BNC2: variants seen among roughly 807,000 people sequenced by gnomAD.
BNC2 encodes the protein zinc finger protein basonuclin-2.
In BNC2, 20 loss-of-function variants were observed where a neutral mutation model predicts 76.3. The ratio of observed to expected loss-of-function variants is 0.26; its 90% CI spans 0.18 to 0.38. BNC2 has a LOEUF of 0.38. Among genes scored for constraint, BNC2 ranks in the 10% least tolerant of loss-of-function variants. The pLI is 1.00. For missense variants in BNC2, 1,382 were observed against 1,399.8 expected, an observed-to-expected ratio of 0.99 and a Z score of 0.20; for synonymous variants, 582 against 514.8, an observed-to-expected ratio of 1.13 and a Z score of -1.77.
At chr9:16,431,146 CAA>C (rs1449563058) in intron 6 of BNC2, among the ~76,000 whole-genome samples, 5 of 152,072 alleles carry the variant, frequency 3.3e-5, no homozygotes, top group African/African-American at 1.2e-4. Context: ...TTTCTGAGTA[CAA>C]AGTCTTCATT....
chr9:16,713,416 C>T (rs945818236), intron 3 of BNC2, among the ~76,000 whole-genome samples: 2 of 148,402 alleles, frequency 1.3e-5, no homozygotes, highest in Admixed American at 1.3e-4. Context: ...TCAAGGATAA[C>T]CTGTAGAAAA....
intron 3 of BNC2, among the ~76,000 whole-genome samples, chr9:16,588,808 T>C (rs1313485944): frequency 6.6e-6 from 1 of 152,236 alleles, no homozygotes; most frequent in East Asian, 1.9e-4. Flanking sequence ...TGCAAGTTTA[T>C]GTGAATTGAA....
rs757099445 is a variant in BNC2 at position 16,609,740 on chromosome 9, G to A, written c.331-26655C>T. Among the ~76,000 whole-genome samples the A allele has an allele frequency of 2.5e-4, 38 of 152,096 alleles. 1 individual carries two copies. The highest frequency in any genetic ancestry group is 3.8e-4 in the Non-Finnish European group (26 of 68,020). ...AATCTCAAGAAAGGTCTTCTCTGCT[G>A]GACTTCCAGAAAGATCACTGATCTT... On this transcript the variant is annotated intron_variant, in intron 3 of 6. Coordinates refer to ENST00000380672, the MANE Select transcript of BNC2 (RefSeq NM_017637.6).
chr9:16,430,419 T>C (rs948568181), intron 6 of BNC2, among the ~76,000 whole-genome samples: 2 of 152,232 alleles, frequency 1.3e-5, no homozygotes, highest in African/African-American at 4.8e-5. Context: ...GAATTGGTGC[T>C]AAGTGGCTCA....
At chr9:16,666,526 G>C (rs1332931571) in intron 3 of BNC2, among the ~76,000 whole-genome samples, 1 of 152,156 alleles carries the variant, frequency 6.6e-6, no homozygotes, top group Non-Finnish European at 1.5e-5. Flanking sequence ...TTCTCTAAAT[G>C]CTACAATGCA....
intron 5 of BNC2, among the ~76,000 whole-genome samples, chr9:16,460,938 T>C (rs1821566203): frequency 6.6e-6 from 1 of 151,938 alleles, no homozygotes; most frequent in Non-Finnish European, 1.5e-5. Flanking sequence ...TTAACTGAAA[T>C]CTTGATCCTA....
chr9:16,854,427 C>G (rs919255966), intron 1 of BNC2, among the ~76,000 whole-genome samples: 2 of 152,172 alleles, frequency 1.3e-5, no homozygotes, highest in Non-Finnish European at 1.5e-5. Context: ...CTCTTGATTT[C>G]TAGAGCAGTT....
At chr9:16,642,095 C>T (rs149787812) in intron 3 of BNC2, among the ~76,000 whole-genome samples, 4 of 152,314 alleles carry the variant, frequency 2.6e-5, no homozygotes, top group African/African-American at 9.6e-5. Flanking sequence ...AGTGACCCTT[C>T]TTCTAAAACA....
intron 5 of BNC2, among the ~76,000 whole-genome samples, chr9:16,475,226 T>G (rs1246478804): frequency 1.3e-5 from 2 of 152,214 alleles, no homozygotes; most frequent in African/African-American, 4.8e-5. Context: ...ATATAATAGA[T>G]GATCTTACTG....
At chr9:16,587,425 G>C (rs1437277974) in intron 3 of BNC2, among the ~76,000 whole-genome samples, 1 of 152,100 alleles carries the variant, frequency 6.6e-6, no homozygotes, top group East Asian at 1.9e-4. Flanking sequence ...ATAGGGCAGA[G>C]TTTTCACTGA....
chr9:16,611,571 G>C (rs1276172210), intron 3 of BNC2, among the ~76,000 whole-genome samples: 2 of 152,068 alleles, frequency 1.3e-5, no homozygotes, highest in East Asian at 3.9e-4. Flanking sequence ...AGTGATGCCA[G>C]AGCTATTGTT....
intron 1 of BNC2, among the ~76,000 whole-genome samples, chr9:16,845,637 C>T (rs2136122523): frequency 6.6e-6 from 1 of 152,012 alleles, no homozygotes; most frequent in South Asian, 2.1e-4. Flanking sequence ...AGGAGAATGG[C>T]GTGAACTTGA....
chr9:16,816,306 TATGTG>T (rs1818180871), intron 1 of BNC2, among the ~76,000 whole-genome samples: 1 of 152,162 alleles, frequency 6.6e-6, no homozygotes, highest in South Asian at 2.1e-4. Flanking sequence ...TTTCCTGATT[TATGTG>T]GGAAATCTGA....
chr9:16,467,320 T>A (rs893283965), intron 5 of BNC2, among the ~76,000 whole-genome samples: 2 of 143,086 alleles, frequency 1.4e-5, no homozygotes, highest in African/African-American at 5.4e-5. Context: ...GACCCAGCCA[T>A]CCCATTACTG....
At chr9:16,592,031 G>C (rs1819942898) in intron 3 of BNC2, among the ~76,000 whole-genome samples, 1 of 151,988 alleles carries the variant, frequency 6.6e-6, no homozygotes, top group Non-Finnish European at 1.5e-5. Context: ...CTCACTAAAA[G>C]GCCAGGTACC....
chr9:16,501,676 C>T (rs1822522268), intron 5 of BNC2, among the ~76,000 whole-genome samples: 1 of 152,086 alleles, frequency 6.6e-6, no homozygotes, highest in Admixed American at 6.6e-5. Context: ...ATCTAAGAAG[C>T]ATAAATAAGG....
At chr9:16,430,139 T>C (rs1820879899) in intron 6 of BNC2, 1 of 418,068 alleles carries the variant, frequency 2.4e-6, no homozygotes, top group African/African-American at 2.0e-5. Flanking sequence ...TAATGGAAGA[T>C]AAGTACAAAA....
At chr9:16,545,221 A>G (rs1454163644) in intron 5 of BNC2, among the ~76,000 whole-genome samples, 5 of 152,240 alleles carry the variant, frequency 3.3e-5, no homozygotes, top group African/African-American at 1.2e-4. Flanking sequence ...TTCTTCTCTA[A>G]GAGGTACAGT....
chr9:16,601,737 A>C (rs900179721), intron 3 of BNC2, among the ~76,000 whole-genome samples: 3 of 152,144 alleles, frequency 2.0e-5, no homozygotes, highest in Admixed American at 6.5e-5. Flanking sequence ...TAATATGACT[A>C]ATCAATTCCC....
Sources: allele counts gnomAD v4.1 joint callset (sites outside exome capture counted in the v4.1 genomes callset), GRCh38; gene constraint gnomAD v4.1.1; transcripts MANE v1.5; gene names NCBI Gene and HGNC (gene_info 2026-07-23, HGNC 2026-07-21).